The following KCND3 variants were observed in gnomAD, a reference collection of about 807,000 sequenced individuals.
The protein encoded by KCND3 is A-type voltage-gated potassium channel KCND3.
KCND3 carries 9 observed loss-of-function variants against 51.1 expected under a neutral mutation model. The ratio of observed to expected loss-of-function variants is 0.18; its 90% CI spans 0.11 to 0.31. KCND3 has a LOEUF of 0.31. Among genes scored for constraint, KCND3 ranks in the 10% least tolerant of loss-of-function variants. The pLI is 1.00. For missense variants in KCND3, 526 were observed against 903.8 expected, an observed-to-expected ratio of 0.58 and a Z score of 5.36; for synonymous variants, 349 against 368.0, an observed-to-expected ratio of 0.95 and a Z score of 0.59.
chr1:111,820,746 A>G (rs1452772404), intron 2 of KCND3, among the ~76,000 whole-genome samples: 2 of 152,188 alleles, frequency 1.3e-5, no homozygotes, highest in Non-Finnish European at 2.9e-5. Context: ...TCAAGTTAAG[A>G]GGAGGAGATA....
chr1:111,965,438 CCACACACACACACACACACACACA>C (rs56156826), intron 2 of KCND3, among the ~76,000 whole-genome samples: 9 of 72,420 alleles, frequency 1.2e-4, no homozygotes, highest in East Asian at 1.2e-3. Flanking sequence ...GCCAGCAAAA[CCACACACACACACACACACACACA>C]CACACACACA....
chr1:111,793,413 G>A (rs374951757), intron 2 of KCND3, among the ~76,000 whole-genome samples: 9 of 151,280 alleles, frequency 5.9e-5, no homozygotes, highest in African/African-American at 1.4e-4. Context: ...TCTTGACCTC[G>A]TGATCTGCCC....
intron 2 of KCND3, among the ~76,000 whole-genome samples, chr1:111,911,537 G>A (rs960730064): frequency 1.3e-5 from 2 of 152,178 alleles, no homozygotes; most frequent in Admixed American, 1.3e-4. Context: ...CCAAATCCAT[G>A]TACCAGCTGC....
At chr1:111,784,553 C>G (rs1473060492) in intron 3 of KCND3, among the ~76,000 whole-genome samples, 3 of 152,198 alleles carry the variant, frequency 2.0e-5, no homozygotes, top group African/African-American at 7.2e-5. Context: ...GATATAGCTA[C>G]TCCAGCTCCC....
chr1:111,861,565 CG>C (rs1166491281), intron 2 of KCND3, among the ~76,000 whole-genome samples: 1 of 152,102 alleles, frequency 6.6e-6, no homozygotes, highest in East Asian at 1.9e-4. Context: ...CCTGTGTTTA[CG>C]GAGGGAAGCG....
chr1:111,923,685 C>T (rs1671575713), intron 2 of KCND3, among the ~76,000 whole-genome samples: 1 of 152,200 alleles, frequency 6.6e-6, no homozygotes, highest in Admixed American at 6.5e-5. Flanking sequence ...AAGGAAGCTG[C>T]ACATATTTCT....
intron 2 of KCND3, among the ~76,000 whole-genome samples, chr1:111,948,617 A>G (rs1571889672): frequency 6.6e-6 from 1 of 151,350 alleles, no homozygotes; most frequent in Non-Finnish European, 1.5e-5. Context: ...AGGCTTAAAA[A>G]CCCTCGGACC....
At chr1:111,954,828 G>T (rs1673242054) in intron 2 of KCND3, among the ~76,000 whole-genome samples, 2 of 152,120 alleles carry the variant, frequency 1.3e-5, no homozygotes, top group Admixed American at 1.3e-4. Context: ...ATTTCCTTTG[G>T]TTTCTCTAGG....
intron 2 of KCND3, among the ~76,000 whole-genome samples, chr1:111,970,894 C>A (rs992616244): frequency 1.4e-4 from 22 of 152,166 alleles, no homozygotes; most frequent in African/African-American, 5.1e-4. Flanking sequence ...ATTAGTGAAC[C>A]ATCACTTCCC....
chr1:111,845,127 T>G (rs1667487683), intron 2 of KCND3, among the ~76,000 whole-genome samples: 1 of 152,228 alleles, frequency 6.6e-6, no homozygotes, highest in Admixed American at 6.5e-5. Context: ...TGATGGCCTC[T>G]GATGCTAAAT....
At position 111,774,943 on chromosome 1, in the gene KCND3, G is replaced by T. The variant is rs1664047730; in HGVS notation, c.*1134C>A. ...GGGTCCTTCCGTTCTCCCCTCACTGGCACATACCAGAGTTGACCGCGTCTC... is the reference window on the plus strand; with the variant it reads ...GGGTCCTTCCGTTCTCCCCTCACTGTCACATACCAGAGTTGACCGCGTCTC... On this transcript the variant is annotated 3_prime_UTR_variant, in exon 8 of 8. Coordinates refer to ENST00000302127, the MANE Select transcript of KCND3 (RefSeq NM_001378969.1). 1 of 152,246 alleles carries T rather than the reference G, an allele frequency of 6.6e-6. No homozygotes were observed. The highest frequency in any genetic ancestry group is 1.5e-5 in the Non-Finnish European group (1 of 68,096). 9.4% of individuals were successfully genotyped at this position (152,246 alleles called of 1,614,324 possible).
chr1:111,799,962 T>C (rs58084073), intron 2 of KCND3, among the ~76,000 whole-genome samples: 2 of 151,598 alleles, frequency 1.3e-5, no homozygotes, highest in East Asian at 3.9e-4. Context: ...GTCCGGGAGG[T>C]GAGGGGCGCC....
chr1:111,885,129 A>G (rs1669509196), intron 2 of KCND3, among the ~76,000 whole-genome samples: 1 of 152,176 alleles, frequency 6.6e-6, no homozygotes, highest in Non-Finnish European at 1.5e-5. Context: ...CTGTAGTGAG[A>G]TATTTGATAG....
intron 2 of KCND3, among the ~76,000 whole-genome samples, chr1:111,933,374 C>T (rs1418734612): frequency 6.6e-6 from 1 of 152,238 alleles, no homozygotes; most frequent in Non-Finnish European, 1.5e-5. Context: ...CTGCTTAGCA[C>T]AGCCCCAGTC....
At position 111,952,841 on chromosome 1, in the gene KCND3, T is replaced by G. The variant is rs1005114014; in HGVS notation, c.1106+28780A>C. On this transcript the variant is annotated intron_variant, in intron 2 of 7. Coordinates refer to ENST00000302127, the MANE Select transcript of KCND3 (RefSeq NM_001378969.1). The stretch of plus-strand genomic sequence containing the variant: ...AAGGGGAGGGAAAGAGACAAGGGGA[T>G]GGAGGAGGGTGTCTCTGGTTCCCTC... Among the ~76,000 whole-genome samples, 34 of 151,980 alleles carry G rather than the reference T, an allele frequency of 2.2e-4. 1 individual carries two copies. Among genetic ancestry groups the G allele is most frequent in the African/African-American group, 8.0e-4 (33 of 41,370 alleles).
intron 2 of KCND3, among the ~76,000 whole-genome samples, chr1:111,833,482 C>T (rs184862838): frequency 6.6e-6 from 1 of 152,372 alleles, no homozygotes; most frequent in East Asian, 1.9e-4. Context: ...AATTATACTT[C>T]AAGCTGGTAA....
At chr1:111,827,966 C>T (rs1666653518) in intron 2 of KCND3, among the ~76,000 whole-genome samples, 1 of 152,124 alleles carries the variant, frequency 6.6e-6, no homozygotes, top group Admixed American at 6.5e-5. Flanking sequence ...GAGCGCTGTT[C>T]CTGAATGCCA....
intron 2 of KCND3, among the ~76,000 whole-genome samples, chr1:111,970,231 G>C (rs1674253431): frequency 6.6e-6 from 1 of 151,974 alleles, no homozygotes; most frequent in Non-Finnish European, 1.5e-5. Flanking sequence ...CAGCCAGGAT[G>C]GTCTCGAATT....
intron 2 of KCND3, among the ~76,000 whole-genome samples, chr1:111,915,275 T>G (rs1229278031): frequency 6.6e-6 from 1 of 151,752 alleles, no homozygotes; most frequent in East Asian, 1.9e-4. Flanking sequence ...ATATCAATAA[T>G]TACATTAAGT....
Sources: gnomAD v4.1 joint callset for allele counts (sites outside exome capture counted in the v4.1 genomes callset) on GRCh38, gnomAD v4.1.1 for gene constraint, MANE v1.5 for transcripts, NCBI Gene and HGNC (gene_info 2026-07-23, HGNC 2026-07-21) for gene names.